Variants in ZBTB16 observed in about 807,000 individuals in gnomAD.
ZBTB16 encodes the protein zinc finger and BTB domain-containing protein 16.
In ZBTB16, 8 loss-of-function variants were observed where a neutral mutation model predicts 56.8. The ratio of observed to expected loss-of-function variants is 0.14; its 90% CI spans 0.08 to 0.25. ZBTB16 has a LOEUF of 0.25. Ranked by LOEUF, ZBTB16 falls within the 10% of genes least tolerant of loss-of-function variation. The probability of loss-of-function intolerance (pLI) is 1.00; values close to 1 mark genes in which losing one functional copy is unlikely to be tolerated. For synonymous variants in ZBTB16, 363 were observed against 368.5 expected (o/e 0.98, Z 0.17); for missense variants, 625 against 903.0 (o/e 0.69, Z 3.95).
chr11:114,242,193 C>T lies in ZBTB16; in HGVS notation c.1480C>T (p.Leu494=). Residue 494 remains leucine (L), a synonymous_variant, in exon 5 of 7, where the codon CTG becomes TTG. Coordinates refer to ENST00000335953, the MANE Select transcript of ZBTB16 (RefSeq NM_006006.6). ...CACTGACATGGCCGTCTTCTGTCTG[C>T]TGTGTGGGAAGCGCTTCCAGGCGCA... ...TGTDMAVFCL[L]CGKRFQAQSA... 4 of 1,613,788 alleles carry T rather than the reference C, an allele frequency of 2.5e-6. No homozygotes were observed. Among genetic ancestry groups the T allele is most frequent in the Non-Finnish European group, 3.4e-6 (4 of 1,179,900 alleles).
At position 114,253,491 on chromosome 11, in the gene ZBTB16, T is replaced by C. The variant is rs1944951078; in HGVS notation, c.*2936T>C. Among the ~76,000 whole-genome samples the C allele has an allele frequency of 6.6e-6, 1 of 152,190 alleles. No homozygotes were observed. Among genetic ancestry groups the C allele is most frequent in the Non-Finnish European group, 1.5e-5 (1 of 68,016 alleles). On this transcript the variant is annotated 3_prime_UTR_variant, in exon 7 of 7. Coordinates refer to ENST00000335953, the MANE Select transcript of ZBTB16 (RefSeq NM_006006.6). ...TGCGCGTGTGCTTTGTGTGTGTGGTTGTGTGTTAAATCATGCAGTATTGTC... is the reference window on the plus strand; with the variant it reads ...TGCGCGTGTGCTTTGTGTGTGTGGTCGTGTGTTAAATCATGCAGTATTGTC...
chr11:114,101,846 A>T (rs1196706964), intron 2 of ZBTB16, among the ~76,000 whole-genome samples: 1 of 152,206 alleles, frequency 6.6e-6, no homozygotes, highest in Non-Finnish European at 1.5e-5. Flanking sequence ...AGGGAGATAC[A>T]TTCATATATT....
At chr11:114,139,060 T>TA (rs1283859272) in intron 2 of ZBTB16, among the ~76,000 whole-genome samples, 1 of 152,082 alleles carries the variant, frequency 6.6e-6, no homozygotes, top group African/African-American at 2.4e-5. Context: ...CCCAGTTTTC[T>TA]AAAAAAAGAG....
intron 2 of ZBTB16, among the ~76,000 whole-genome samples, chr11:114,139,227 T>C (rs1941880253): frequency 6.6e-6 from 1 of 152,228 alleles, no homozygotes; most frequent in Non-Finnish European, 1.5e-5. Context: ...TTCTCCAGGC[T>C]GTCGCTTTTG....
intron 3 of ZBTB16, among the ~76,000 whole-genome samples, chr11:114,167,355 A>G (rs1942805603): frequency 7.6e-6 from 1 of 132,266 alleles, no homozygotes; most frequent in African/African-American, 3.0e-5. Context: ...TGCCCAGGAG[A>G]GATTGTATAG....
intron 5 of ZBTB16, 107 bp downstream of exon 5, chr11:114,242,444 C>T (rs1565705821): frequency 6.7e-7 from 1 of 1,482,370 alleles, no homozygotes; most frequent in Non-Finnish European, 9.1e-7. Flanking sequence ...GCCTTCAGTC[C>T]TTCTGCTCAA....
At chr11:114,117,570 C>T (rs904948653) in intron 2 of ZBTB16, among the ~76,000 whole-genome samples, 2 of 151,880 alleles carry the variant, frequency 1.3e-5, no homozygotes, top group East Asian at 3.9e-4. Flanking sequence ...GGTTGAGACT[C>T]CTGAGGTTTT....
chr11:114,060,733 G>C lies in ZBTB16; in HGVS notation c.-91+851G>C, dbSNP rs1458029098. ...GCCCGCGGAACCACCCGGACGCACG[G>C]AGCGCTCCGCACCGACTCGCTCGCC... On this transcript the variant is annotated intron_variant, in intron 1 of 6. Coordinates refer to ENST00000335953, the MANE Select transcript of ZBTB16 (RefSeq NM_006006.6). This position sits in a 1 kb window ranked among gnomAD's most constrained non-coding sequence, Gnocchi z 6.0. 6.6e-6 allele frequency: 1 copy of C among 152,352 alleles called. No individual in the cohort carries two copies. Among genetic ancestry groups the C allele is most frequent in the Non-Finnish European group, 1.5e-5 (1 of 68,216 alleles). The allele number at this position is 152,352 out of a possible 1,614,324, so 9.4% of individuals were successfully genotyped here.
intron 3 of ZBTB16, among the ~76,000 whole-genome samples, chr11:114,166,208 G>A (rs1211746715): frequency 1.3e-5 from 1 of 75,110 alleles, no homozygotes; most frequent in African/African-American, 6.3e-5. Context: ...CTACGTGTGT[G>A]TGTGTGTGTG....
chr11:114,171,162 TA>T (rs2135010621), intron 3 of ZBTB16, among the ~76,000 whole-genome samples: 1 of 152,304 alleles, frequency 6.6e-6, no homozygotes, highest in African/African-American at 2.4e-5. Flanking sequence ...ATTACTTATT[TA>T]TGCACCAAGA....
In ZBTB16 at chr11:114,064,037, T is replaced by G. The variant is rs1939006840; in HGVS notation, c.737T>G (p.Met246Arg). Residue 246 changes from methionine to arginine, a missense_variant, in exon 2 of 7, where the codon ATG (methionine) becomes AGG (arginine). Met to Arg is a moderately conservative substitution (Grantham distance 91). Around this residue, in one of 6 missense-constraint regions of ZBTB16, gnomAD observed 384 missense variants for 393.5 expected, o/e 0.98. Coordinates refer to ENST00000335953, the MANE Select transcript of ZBTB16 (RefSeq NM_006006.6). The surrounding 1 kb of genome is among the most constrained non-coding windows in gnomAD (Gnocchi z 4.2). ...PGVAEVKTEM[M>R]QVDEVPSQDS... ...GTGGCTGAGGTGAAGACGGAGATGA[T>G]GCAGGTGGATGAGGTGCCCAGCCAG... 6.2e-7 allele frequency: 1 copy of G among 1,613,006 alleles called. No homozygotes were observed. Among genetic ancestry groups the G allele is most frequent in the Non-Finnish European group, 8.5e-7 (1 of 1,179,678 alleles).
chr11:114,217,976 C>T (rs770417718), intron 4 of ZBTB16, among the ~76,000 whole-genome samples: 1 of 152,162 alleles, frequency 6.6e-6, no homozygotes, highest in Non-Finnish European at 1.5e-5. Flanking sequence ...CTCTCCTGGC[C>T]CAGCTCCTGG....
intron 3 of ZBTB16, among the ~76,000 whole-genome samples, chr11:114,164,825 CTG>C (rs972258784): frequency 2.6e-5 from 4 of 152,146 alleles, no homozygotes; most frequent in African/African-American, 9.7e-5. Context: ...GTCCAGGTCT[CTG>C]TGGTGGCAGG....
chr11:114,141,145 G>T (rs1941934543), intron 2 of ZBTB16, among the ~76,000 whole-genome samples: 1 of 152,246 alleles, frequency 6.6e-6, no homozygotes. Flanking sequence ...GCCCGGCGGG[G>T]TATGCTCATT....
At chr11:114,102,578 T>A (rs1940652553) in intron 2 of ZBTB16, among the ~76,000 whole-genome samples, 1 of 146,106 alleles carries the variant, frequency 6.8e-6, no homozygotes, top group South Asian at 2.4e-4. Flanking sequence ...CCTTCCGCAT[T>A]TTCTGGGAAG....
intron 3 of ZBTB16, among the ~76,000 whole-genome samples, chr11:114,171,082 G>A (rs942616156): frequency 6.6e-6 from 1 of 152,192 alleles, no homozygotes; most frequent in Non-Finnish European, 1.5e-5. Flanking sequence ...CTGGAGTATA[G>A]GCTCGAGAGG....
rs746167648 is a variant in ZBTB16, at chr11:114,190,730, TACACACAC to T, written c.1453+3714_1453+3721del. On this transcript the variant is annotated intron_variant, in intron 4 of 6. Coordinates refer to ENST00000335953, the MANE Select transcript of ZBTB16 (RefSeq NM_006006.6). ...CATCACTCATGCCACCTCTCTCTCA[TACACACAC>T]ACACACACACACACACACACATATA... 1.7e-3 allele frequency among the ~76,000 whole-genome samples: 242 copies of T among 143,588 alleles called. 2 individuals are homozygous for T. The highest frequency in any genetic ancestry group is 5.5e-3 in the African/African-American group (220 of 40,274). The allele number at this position is 143,588 out of a possible 152,430, so 94.2% of individuals were successfully genotyped here.
rs193024006 is a variant in ZBTB16, at chr11:114,157,028, G to T, written c.1366+594G>T. 1.2e-3 allele frequency among the ~76,000 whole-genome samples: 186 copies of T among 152,274 alleles called. 2 individuals are homozygous for T. Among genetic ancestry groups the T allele is most frequent in the Non-Finnish European group, 1.0e-4 (7 of 68,024 alleles). Reference sequence around the variant, plus strand: ...AGGATCTAGCAGGTCTGATGCGGTGGCTTTGAGGCTTAGGTCACCTGACTT... The same window carrying T: ...AGGATCTAGCAGGTCTGATGCGGTGTCTTTGAGGCTTAGGTCACCTGACTT... On this transcript the variant is annotated intron_variant, in intron 3 of 6. Coordinates refer to ENST00000335953, the MANE Select transcript of ZBTB16 (RefSeq NM_006006.6).
chr11:114,203,852 C>G (rs1240044251), intron 4 of ZBTB16, among the ~76,000 whole-genome samples: 1 of 152,142 alleles, frequency 6.6e-6, no homozygotes, highest in Non-Finnish European at 1.5e-5. Context: ...CTTGCCCTCC[C>G]CATTCCTCCA....
Sources: gnomAD v4.1 joint callset for allele counts (sites outside exome capture counted in the v4.1 genomes callset) on GRCh38, gnomAD v4.1.1 for gene constraint, gnomAD v4.1.1 regional missense constraint, Gnocchi (gnomAD v3.1) non-coding constraint, MANE v1.5 for transcripts, NCBI Gene and HGNC (gene_info 2026-07-23, HGNC 2026-07-21) for gene names.